CDH13: variants seen among roughly 807,000 people sequenced by gnomAD.
The protein encoded by CDH13 is cadherin 13.
A neutral mutation model predicts 63.8 loss-of-function variants in CDH13; 24 were observed. That is an observed-to-expected ratio of 0.38 (90% CI 0.27 to 0.53). The LOEUF (loss-of-function observed/expected upper bound fraction) is 0.53, where lower values mean the gene tolerates loss of function less well. Ranked by LOEUF, CDH13 falls within the 20% of genes least tolerant of loss-of-function variation. CDH13 has a pLI of 0.85. For missense variants in CDH13, 1,049 were observed against 903.1 expected, an observed-to-expected ratio of 1.16 and a Z score of -2.07; for synonymous variants, 503 against 355.3, an observed-to-expected ratio of 1.42 and a Z score of -4.67.
At chr16:82,689,541 C>G (rs965061376) in intron 1 of CDH13, among the ~76,000 whole-genome samples, 6 of 152,190 alleles carry the variant, frequency 3.9e-5, no homozygotes, top group African/African-American at 1.4e-4. Context: ...TCGAGGATGA[C>G]AGGAGTGACT....
At chr16:83,433,647 C>G (rs1229314014) in intron 6 of CDH13, among the ~76,000 whole-genome samples, 1 of 152,150 alleles carries the variant, frequency 6.6e-6, no homozygotes, top group Non-Finnish European at 1.5e-5. Context: ...ATTCATTACC[C>G]CAGCAGGAAA....
intron 10 of CDH13, among the ~76,000 whole-genome samples, chr16:83,732,725 A>C (rs2150953010): frequency 6.6e-6 from 1 of 152,238 alleles, no homozygotes; most frequent in Non-Finnish European, 1.5e-5. Context: ...CCCCCTTGCT[A>C]ATCTCAGTAC....
At chr16:83,273,023 G>T (rs977759837) in intron 5 of CDH13, among the ~76,000 whole-genome samples, 1 of 152,102 alleles carries the variant, frequency 6.6e-6, no homozygotes, top group Non-Finnish European at 1.5e-5. Context: ...CCTGTGGCTG[G>T]TGCCTACACA....
intron 1 of CDH13, among the ~76,000 whole-genome samples, chr16:82,739,643 A>G (rs2033843652): frequency 6.6e-6 from 1 of 152,234 alleles, no homozygotes; most frequent in African/African-American, 2.4e-5. Flanking sequence ...GCCTTTAATT[A>G]TTTAAAATAG....
chr16:83,227,116 G>A lies in CDH13; in HGVS notation c.636+9619G>A, dbSNP rs145405442. Among the ~76,000 whole-genome samples, 43 of 152,320 alleles carry A rather than the reference G, an allele frequency of 2.8e-4. 2 individuals carry two copies. Among genetic ancestry groups the A allele is most frequent in the Middle Eastern group, 6.8e-3 (2 of 294 alleles). ...AGTCATGTTTTACGAAAGACTGCAA[G>A]ATTGAAAGTGAAGGCCAGAAGCTAA... On this transcript the variant is annotated intron_variant, in intron 5 of 13. Coordinates refer to ENST00000567109, the MANE Select transcript of CDH13 (RefSeq NM_001257.5).
At position 82,966,306 on chromosome 16, in the gene CDH13, G is replaced by T. The variant is rs577666708; in HGVS notation, c.158-65704G>T. On this transcript the variant is annotated intron_variant, in intron 2 of 13. Coordinates refer to ENST00000567109, the MANE Select transcript of CDH13 (RefSeq NM_001257.5). ...TGGGACTACAGGCGCCCGCCACCAC[G>T]CCCAGCTAATTTTTTTGTATTTTTA... is the stretch of plus-strand genomic sequence containing the variant. Among the ~76,000 whole-genome samples the T allele has an allele frequency of 4.6e-5, 7 of 151,058 alleles. No individual in the cohort carries two copies. The South Asian group carries it at 1.3e-3, about 27-fold the overall frequency.
intron 5 of CDH13, among the ~76,000 whole-genome samples, chr16:83,224,480 A>G (rs1408859195): frequency 6.6e-6 from 1 of 152,196 alleles, no homozygotes; most frequent in Non-Finnish European, 1.5e-5. Flanking sequence ...GTGTTCTCAA[A>G]CCTGTGATCT....
At chr16:83,240,459 A>C (rs1323941202) in intron 5 of CDH13, among the ~76,000 whole-genome samples, 1 of 152,052 alleles carries the variant, frequency 6.6e-6, no homozygotes, top group Non-Finnish European at 1.5e-5. Context: ...GAGGTTACTG[A>C]AGGAAACCAG....
At chr16:82,752,303 G>A (rs746808677) in intron 1 of CDH13, among the ~76,000 whole-genome samples, 3 of 152,302 alleles carry the variant, frequency 2.0e-5, no homozygotes, top group East Asian at 3.9e-4. Context: ...CAAAGAGCCC[G>A]CCAATGATGG....
chr16:82,632,863 C>A (rs970534430), intron 1 of CDH13, among the ~76,000 whole-genome samples: 17 of 152,084 alleles, frequency 1.1e-4, no homozygotes, highest in African/African-American at 3.9e-4. Flanking sequence ...ACTAGATGGT[C>A]CCATCTGGGG....
rs545204549 is a variant in CDH13, at chr16:82,827,012, G to A, written c.46-31350G>A. Among the ~76,000 whole-genome samples the A allele has an allele frequency of 5.9e-5, 9 of 152,260 alleles. No individual in the cohort carries two copies. In the South Asian group the frequency reaches 1.9e-3, roughly 32 times the overall value. On this transcript the variant is annotated intron_variant, in intron 1 of 13. Transcript: ENST00000567109. ...CTTTGGAAGAATTCATCCAGCCCCT[G>A]GCATGTTTTGCTTATCCTCTGCCTG...
intron 3 of CDH13, among the ~76,000 whole-genome samples, chr16:83,110,791 A>G (rs550296681): frequency 6.6e-6 from 1 of 152,018 alleles, no homozygotes; most frequent in Admixed American, 6.5e-5. Context: ...AAGGTGTGAC[A>G]GTTACAAGGG....
chr16:83,117,462 C>T (rs930215884), intron 3 of CDH13, among the ~76,000 whole-genome samples: 1 of 152,140 alleles, frequency 6.6e-6, no homozygotes, highest in South Asian at 2.1e-4. Context: ...CCCTCTCCCC[C>T]TGAGCACTTC....
intron 7 of CDH13, among the ~76,000 whole-genome samples, chr16:83,598,600 G>A (rs968523397): frequency 6.6e-6 from 1 of 152,148 alleles, no homozygotes; most frequent in Admixed American, 6.5e-5. Flanking sequence ...AGTCAAAACT[G>A]CCTTATTCCT....
chr16:83,684,748 CT>C (rs1567514528), intron 10 of CDH13, among the ~76,000 whole-genome samples: 2 of 152,048 alleles, frequency 1.3e-5, no homozygotes, highest in Non-Finnish European at 2.9e-5. Context: ...CTGCTCAACA[CT>C]TTTTTTTGGA....
At chr16:83,171,966 C>A (rs1292339080) in intron 4 of CDH13, among the ~76,000 whole-genome samples, 1 of 152,106 alleles carries the variant, frequency 6.6e-6, no homozygotes, top group African/African-American at 2.4e-5. Flanking sequence ...TGGACATTAG[C>A]CCCATTCTCA....
At chr16:83,579,057 T>A (rs1905297850) in intron 7 of CDH13, among the ~76,000 whole-genome samples, 1 of 152,250 alleles carries the variant, frequency 6.6e-6, no homozygotes, top group Non-Finnish European at 1.5e-5. Context: ...AAGGCAATGA[T>A]AAAATTCCCA....
intron 1 of CDH13, among the ~76,000 whole-genome samples, chr16:82,749,130 G>T (rs898275948): frequency 3.9e-5 from 6 of 151,932 alleles, no homozygotes; most frequent in Non-Finnish European, 7.4e-5. Flanking sequence ...TGGATAAAAA[G>T]CCCGACAGAG....
chr16:82,657,843 T>C (rs1911473993), intron 1 of CDH13, among the ~76,000 whole-genome samples: 1 of 152,260 alleles, frequency 6.6e-6, no homozygotes, highest in African/African-American at 2.4e-5. Context: ...ATTTCTTACA[T>C]AGATAATCAT....
Sources: gnomAD v4.1 joint callset for allele counts (sites outside exome capture counted in the v4.1 genomes callset) on GRCh38, gnomAD v4.1.1 for gene constraint, MANE v1.5 for transcripts, NCBI Gene and HGNC (gene_info 2026-07-23, HGNC 2026-07-21) for gene names.